The following UNC13A variants were observed in gnomAD, a reference collection of about 807,000 sequenced individuals.
UNC13A encodes the protein protein unc-13 homolog A.
UNC13A carries 61 observed loss-of-function variants against 219.7 expected under a neutral mutation model. The observed-to-expected ratio is 0.28, with a 90% confidence interval of 0.23 to 0.34. UNC13A has a LOEUF of 0.34. Ranked by LOEUF, UNC13A falls within the 10% of genes least tolerant of loss-of-function variation. The pLI, the probability that UNC13A is intolerant of heterozygous loss-of-function variation, is 1.00. For missense variants in UNC13A, 1,476 were observed against 2,270.3 expected, an observed-to-expected ratio of 0.65 and a Z score of 7.11; for synonymous variants, 920 against 884.6, an observed-to-expected ratio of 1.04 and a Z score of -0.71.
intron 38 of UNC13A, among the ~76,000 whole-genome samples, 156 bp downstream of exon 38, chr19:17,620,537 C>G (rs2076717608): frequency 6.6e-6 from 1 of 151,758 alleles, no homozygotes; most frequent in Non-Finnish European, 1.5e-5. Flanking sequence ...CACCACCCCC[C>G]ACGAGCAAGC....
At chr19:17,639,702 T>G in intron 23 of UNC13A, 138 bp downstream of exon 23, 3 of 1,168,208 alleles carry the variant, frequency 2.6e-6, no homozygotes, top group South Asian at 1.4e-5. Flanking sequence ...GTAGTGCCCA[T>G]GCAGGTGCAC....
At chr19:17,665,636 A>G (rs1015596081) in intron 7 of UNC13A, among the ~76,000 whole-genome samples, 2 of 152,136 alleles carry the variant, frequency 1.3e-5, no homozygotes, top group African/African-American at 2.4e-5. Flanking sequence ...TCTCCATCTA[A>G]GAAAATGGGT....
At position 17,633,118 on chromosome 19, in the gene UNC13A, G is replaced by A. The variant is rs113090566; in HGVS notation, c.3291C>T (p.Tyr1097=). Residue 1097 remains tyrosine (Y), a synonymous_variant, in exon 27 of 44, where the codon TAC becomes TAT. Coordinates refer to ENST00000519716, the MANE Select transcript of UNC13A (RefSeq NM_001080421.3). ...GGGTGGGAAACTCACCCTCCATGGC[G>A]TACTTCATGTCTTGGGCAAACAGAT... ...MWNLFAQDMK[Y]AMEEHDKHRL... 7.2e-4 allele frequency: 1,163 copies of A among 1,614,144 alleles called. 9 individuals carry two copies. The African/African-American group carries it at 0.012, about 17-fold the overall frequency.
Position 17,648,414 on chromosome 19 carries a change from T to C in UNC13A, c.1816+17A>G. 6.5e-7 allele frequency: 1 copy of C among 1,543,038 alleles called. No homozygotes were observed. The highest frequency in any genetic ancestry group is 8.7e-7 in the Non-Finnish European group (1 of 1,148,378). ...CCCACGCCAACCCGTGGCCCTGCGC[T>C]CAGGCCCTGCGCTCACGCTGCAGGC... is the stretch of plus-strand genomic sequence containing the variant. On this transcript the variant is annotated intron_variant, in intron 16 of 43. Transcript: ENST00000519716.
rs2079853293 is a variant in UNC13A at position 17,674,260 on chromosome 19, A to G, written c.152+397T>C. 6.6e-6 allele frequency among the ~76,000 whole-genome samples: 1 copy of G among 152,220 alleles called. No homozygotes were observed. The highest frequency in any genetic ancestry group is 6.5e-5 in the Admixed American group (1 of 15,274). ...TGGGGCAGGTGAGGGAGATAGAGCG[A>G]GAACCTGGTGGGAATCACGGGGAAG... is the stretch of plus-strand genomic sequence containing the variant. On this transcript the variant is annotated intron_variant, in intron 3 of 43. Coordinates refer to ENST00000519716, the MANE Select transcript of UNC13A (RefSeq NM_001080421.3). The surrounding 1 kb of genome is among the most constrained non-coding windows in gnomAD (Gnocchi z 5.0).
intron 16 of UNC13A, 49 bp downstream of exon 16, chr19:17,648,372 TGCAAGCCCCG>T: frequency 9.5e-7 from 1 of 1,052,116 alleles, no homozygotes; most frequent in Non-Finnish European, 1.2e-6. Flanking sequence ...TTCCCCGCCA[TGCAAGCCCCG>T]GGGCTCCCCA....
Position 17,669,541 on chromosome 19 carries a change from C to T in UNC13A, c.394+12G>A, listed in dbSNP as rs747876635. 1.2e-6 allele frequency: 2 copies of T among 1,612,994 alleles called. No individual in the cohort carries two copies. Among genetic ancestry groups the T allele is most frequent in the Non-Finnish European group, 1.7e-6 (2 of 1,179,322 alleles). ...CTGGGGCTGGGTGAAGGTCCCGGGC[C>T]CCTGTACTCACCTAAGGGTAGCTCA... is the stretch of plus-strand genomic sequence containing the variant. On this transcript the variant is annotated intron_variant, in intron 5 of 43. Coordinates refer to ENST00000519716, the MANE Select transcript of UNC13A (RefSeq NM_001080421.3).
At chr19:17,616,668 C>T (rs1383489612) in intron 41 of UNC13A, among the ~76,000 whole-genome samples, 1 of 152,124 alleles carries the variant, frequency 6.6e-6, no homozygotes, top group Non-Finnish European at 1.5e-5. Context: ...CAGCCTCCTG[C>T]TCCAGGGACA....
intron 12 of UNC13A, among the ~76,000 whole-genome samples, chr19:17,650,513 AAAAAT>A (rs1254340054): frequency 6.6e-6 from 1 of 152,154 alleles, no homozygotes; most frequent in African/African-American, 2.4e-5. Context: ...ACTCTGTATC[AAAAAT>A]AAAATAAAAT....
intron 26 of UNC13A, 126 bp downstream of exon 26, chr19:17,635,898 A>G: frequency 8.2e-7 from 1 of 1,226,480 alleles, no homozygotes; most frequent in South Asian, 1.7e-5. Flanking sequence ...GTATAATCAG[A>G]CCCACAATTA....
chr19:17,666,195 C>T (rs113003535), intron 7 of UNC13A, among the ~76,000 whole-genome samples: 32 of 15,862 alleles, frequency 2.0e-3, no homozygotes, highest in South Asian at 5.6e-3. Flanking sequence ...CTCTCTTTCT[C>T]TCTTTCTTTC....
chr19:17,627,213 G>A lies in UNC13A; in HGVS notation c.3920+296C>T, dbSNP rs2076792994. On this transcript the variant is annotated intron_variant, in intron 33 of 43. Coordinates refer to ENST00000519716, the MANE Select transcript of UNC13A (RefSeq NM_001080421.3). This position sits in a 1 kb window ranked among gnomAD's most constrained non-coding sequence, Gnocchi z 4.7. ...TAGTAACTGCAGAACCAGGCAAAGG[G>A]ATAAGACATTTGCCCGCATTGTTCA... Among the ~76,000 whole-genome samples, 1 of 152,022 alleles carries A rather than the reference G, an allele frequency of 6.6e-6. No homozygotes were observed. Among genetic ancestry groups the A allele is most frequent in the Non-Finnish European group, 1.5e-5 (1 of 68,004 alleles).
chr19:17,669,210 C>T (rs1184632576), intron 5 of UNC13A, among the ~76,000 whole-genome samples: 3 of 152,186 alleles, frequency 2.0e-5, no homozygotes, highest in African/African-American at 7.2e-5. Flanking sequence ...CTCTCTTTGT[C>T]TCTCTGTCTC....
rs1225409651 is a variant in UNC13A, at chr19:17,688,299, C to G, written c.-100G>C. ...GGGCATCTCCCGGCTGCAGCCCGCG[C>G]TTGGCTCACGCCGGGGCCCGGCCGC... On this transcript the variant is annotated 5_prime_UTR_variant, in exon 1 of 44. Coordinates refer to ENST00000519716, the MANE Select transcript of UNC13A (RefSeq NM_001080421.3). The G allele has an allele frequency of 7.4e-7, 1 of 1,347,222 alleles. No individual in the cohort carries two copies. Among genetic ancestry groups the G allele is most frequent in the Non-Finnish European group, 9.5e-7 (1 of 1,049,728 alleles). The allele number at this position is 1,347,222 out of a possible 1,614,324, so 83.5% of individuals were successfully genotyped here. A position where few individuals can be genotyped will look rare whatever the true frequency, so the allele number is the denominator to read the frequency against.
Position 17,645,649 on chromosome 19 carries a change from C to T in UNC13A, c.2356+25G>A, listed in dbSNP as rs45535934. 1.3e-3 allele frequency: 2,028 copies of T among 1,613,302 alleles called. 6 individuals carry two copies. Among genetic ancestry groups the T allele is most frequent in the Admixed American group, 3.1e-3 (183 of 59,990 alleles). On this transcript the variant is annotated intron_variant, in intron 19 of 43. Transcript: ENST00000519716. Reference sequence around the variant, plus strand: ...TGGATCCCTGGGACCCGTCCCCACCCGCTTCAGAACCCAGCTTCTCTCACC... The same window carrying T: ...TGGATCCCTGGGACCCGTCCCCACCTGCTTCAGAACCCAGCTTCTCTCACC...
intron 9 of UNC13A, 26 bp downstream of exon 9, chr19:17,658,036 T>A (rs777746465): frequency 1.2e-6 from 2 of 1,607,122 alleles, no homozygotes; most frequent in African/African-American, 1.3e-5. Flanking sequence ...AGGACCCACA[T>A]GCATGCTGCA....
At position 17,605,850 on chromosome 19, in the gene UNC13A, G is replaced by C. The variant is rs756728476; in HGVS notation, c.*204C>G. The C allele has an allele frequency of 5.9e-6, 3 of 507,544 alleles. No homozygotes were observed. Among genetic ancestry groups the C allele is most frequent in the Non-Finnish European group, 9.7e-6 (3 of 309,076 alleles). 31.4% of individuals were successfully genotyped at this position (507,544 alleles called of 1,614,324 possible). On this transcript the variant is annotated 3_prime_UTR_variant, in exon 44 of 44. Coordinates refer to ENST00000519716, the MANE Select transcript of UNC13A (RefSeq NM_001080421.3). ...GCTCCTTCCTTCGTCGCGCCCTTGG[G>C]CGTGGCCTCCCGAGAGGGCGGGGCA...
chr19:17,655,257 C>T lies in UNC13A; in HGVS notation c.1392+17G>A, dbSNP rs10415039. The stretch of plus-strand genomic sequence containing the variant: ...CTGGCTAAGTGTGGCAGGGGCATGG[C>T]TGGGCGTGTCACTCACCTCCTGCAG... On this transcript the variant is annotated intron_variant, in intron 11 of 43. Coordinates refer to ENST00000519716, the MANE Select transcript of UNC13A (RefSeq NM_001080421.3). 5,758 of 1,551,064 alleles carry T rather than the reference C, an allele frequency of 3.7e-3. 163 individuals carry two copies. The African/African-American group carries it at 0.065, about 18-fold the overall frequency.
chr19:17,658,278 G>A lies in UNC13A; in HGVS notation c.560-9C>T, dbSNP rs2079495588. 1.9e-6 allele frequency: 3 copies of A among 1,608,188 alleles called. No individual in the cohort carries two copies. Among genetic ancestry groups the A allele is most frequent in the Admixed American group, 1.7e-5 (1 of 58,718 alleles). On this transcript the variant is annotated splice_polypyrimidine_tract_variant and intron_variant, in intron 8 of 43. Coordinates refer to ENST00000519716, the MANE Select transcript of UNC13A (RefSeq NM_001080421.3). The stretch of plus-strand genomic sequence containing the variant: ...ACTGTCGGGGTCATCGTCTGGAAGA[G>A]AGAGGCGGTATGGGAAGAGGGTGAG...
Sources: gnomAD v4.1 joint callset for allele counts (sites outside exome capture counted in the v4.1 genomes callset) on GRCh38, gnomAD v4.1.1 for gene constraint, Gnocchi (gnomAD v3.1) non-coding constraint, MANE v1.5 for transcripts, NCBI Gene and HGNC (gene_info 2026-07-23, HGNC 2026-07-21) for gene names.